The following PRIM2 variants were observed in gnomAD, a reference collection of about 807,000 sequenced individuals.
PRIM2 encodes DNA primase large subunit.
In PRIM2, 39 loss-of-function variants were observed where a neutral mutation model predicts 67.3. The ratio of observed to expected loss-of-function variants is 0.58; its 90% CI spans 0.45 to 0.76. PRIM2 has a LOEUF of 0.76. PRIM2 is among the 30% of genes least tolerant of loss of function. PRIM2 has a pLI of 0.00. For missense variants in PRIM2, 398 were observed against 598.7 expected, an observed-to-expected ratio of 0.66 and a Z score of 3.50; for synonymous variants, 143 against 198.7, an observed-to-expected ratio of 0.72 and a Z score of 2.36.
intron 10 of PRIM2, among the ~76,000 whole-genome samples, chr6:57,576,276 T>C (rs1775963429): frequency 6.6e-6 from 1 of 152,036 alleles, no homozygotes; most frequent in Non-Finnish European, 1.5e-5. Context: ...ATATGTGCTT[T>C]TAAAAATTAT....
chr6:57,434,579 A>G (rs961585588), intron 7 of PRIM2, among the ~76,000 whole-genome samples: 9 of 152,326 alleles, frequency 5.9e-5, no homozygotes, highest in African/African-American at 2.2e-4. Context: ...GAAGTTACCC[A>G]TATAGTAAAA....
chr6:57,340,816 C>G (rs1395278001), intron 5 of PRIM2, among the ~76,000 whole-genome samples: 1 of 152,038 alleles, frequency 6.6e-6, no homozygotes, highest in East Asian at 1.9e-4. Context: ...TGTAACAAAC[C>G]TGCACATTGT....
the PRIM2 span, among the ~76,000 whole-genome samples, chr6:57,227,641 C>CAAAAAAAAAAAAAAAAAA: frequency 1.2e-5 from 1 of 84,080 alleles, no homozygotes. Flanking sequence ...GAGACCATCT[C>CAAAAAAAAAAAAAAAAAA]AAAAAAAAAA....
intron 5 of PRIM2, among the ~76,000 whole-genome samples, chr6:57,378,551 A>G (rs1303772493): frequency 6.6e-6 from 1 of 152,126 alleles, no homozygotes; most frequent in Non-Finnish European, 1.5e-5. Context: ...CGTGCTTGAC[A>G]TTGTATTTGG....
chr6:57,246,368 T>C, the PRIM2 span, among the ~76,000 whole-genome samples: 4 of 152,342 alleles, frequency 2.6e-5, no homozygotes, highest in African/African-American at 9.6e-5. Context: ...CGCTAGTATA[T>C]AAGTTTCCTA....
intron 10 of PRIM2, among the ~76,000 whole-genome samples, chr6:57,573,598 C>G (rs1263466895): frequency 6.6e-6 from 1 of 152,102 alleles, no homozygotes; most frequent in African/African-American, 2.4e-5. Flanking sequence ...ATTTAAAGAT[C>G]ACTCATATAA....
intron 8 of PRIM2, among the ~76,000 whole-genome samples, chr6:57,510,206 A>G (rs1470903440): frequency 1.3e-5 from 2 of 152,152 alleles, no homozygotes; most frequent in Non-Finnish European, 2.9e-5. Context: ...TTGTATTTTC[A>G]ATAGCGGAGA....
At chr6:57,488,002 T>G (rs1773793588) in intron 7 of PRIM2, among the ~76,000 whole-genome samples, 1 of 152,202 alleles carries the variant, frequency 6.6e-6, no homozygotes, top group African/African-American at 2.4e-5. Context: ...AAATTGGGAC[T>G]AGTACCCTCA....
At chr6:57,578,156 C>T (rs1428074081) in intron 10 of PRIM2, among the ~76,000 whole-genome samples, 3 of 152,136 alleles carry the variant, frequency 2.0e-5, no homozygotes, top group African/African-American at 7.2e-5. Flanking sequence ...CGCTTCTCAT[C>T]GTATCCCTCT....
the PRIM2 span, among the ~76,000 whole-genome samples, chr6:57,299,988 T>A: frequency 6.6e-6 from 1 of 152,170 alleles, no homozygotes; most frequent in African/African-American, 2.4e-5. Flanking sequence ...CTTTGTCTGC[T>A]AAAACCTGGG....
chr6:57,318,888 C>T (rs1304429616), intron 2 of PRIM2, among the ~76,000 whole-genome samples: 3 of 152,128 alleles, frequency 2.0e-5, no homozygotes, highest in Non-Finnish European at 4.4e-5. Flanking sequence ...TATTCTAGTA[C>T]ATGGAGACAG....
At chr6:57,539,761 A>C (rs1240975140) in intron 10 of PRIM2, among the ~76,000 whole-genome samples, 1 of 151,952 alleles carries the variant, frequency 6.6e-6, no homozygotes, top group Non-Finnish European at 1.5e-5. Flanking sequence ...TGGGAGACCG[A>C]GGCAGGTGGG....
intron 7 of PRIM2, among the ~76,000 whole-genome samples, chr6:57,478,582 A>G (rs1369275329): frequency 6.6e-6 from 1 of 152,054 alleles, no homozygotes; most frequent in Non-Finnish European, 1.5e-5. Context: ...AAATTATTTA[A>G]TCTTGACTTT....
chr6:57,435,457 C>T (rs1473453990), intron 7 of PRIM2, among the ~76,000 whole-genome samples: 2 of 152,114 alleles, frequency 1.3e-5, no homozygotes, highest in African/African-American at 4.8e-5. Context: ...ACTGTGCTTA[C>T]AGTGATCAGG....
intron 8 of PRIM2, among the ~76,000 whole-genome samples, chr6:57,515,993 G>A: frequency 6.6e-6 from 1 of 151,654 alleles, no homozygotes; most frequent in South Asian, 2.1e-4. Flanking sequence ...TCCTCCTAGA[G>A]GCTGCCCACA....
the PRIM2 span, among the ~76,000 whole-genome samples, chr6:57,283,724 T>C: frequency 6.6e-6 from 1 of 152,300 alleles, no homozygotes; most frequent in East Asian, 1.9e-4. Context: ...TATTTGGTAT[T>C]ATTTGTTGAG....
chr6:57,410,890 C>G (rs1448365126), intron 7 of PRIM2, among the ~76,000 whole-genome samples: 1 of 150,456 alleles, frequency 6.6e-6, no homozygotes, highest in Non-Finnish European at 1.5e-5. Context: ...GGCCTTTTAT[C>G]AGGTTAAGGA....
chr6:57,245,382 C>G, the PRIM2 span, among the ~76,000 whole-genome samples: 10 of 152,176 alleles, frequency 6.6e-5, no homozygotes, highest in Non-Finnish European at 1.3e-4. Context: ...TGATGCATCA[C>G]CTGCCTACCT....
At chr6:57,582,777 TC>T (rs2127485494) in intron 10 of PRIM2, among the ~76,000 whole-genome samples, 1 of 107,910 alleles carries the variant, frequency 9.3e-6, no homozygotes, top group Non-Finnish European at 1.8e-5. Context: ...TATAATATTT[TC>T]TTTATTATTA....
Sources: allele counts gnomAD v4.1 joint callset (sites outside exome capture counted in the v4.1 genomes callset), GRCh38; gene constraint gnomAD v4.1.1; transcripts MANE v1.5; gene names NCBI Gene and HGNC (gene_info 2026-07-23, HGNC 2026-07-21).